The following SYT14 variants were observed in gnomAD, a reference collection of about 807,000 sequenced individuals.
The protein encoded by SYT14 is synaptotagmin 14.
In SYT14, 32 loss-of-function variants were observed where a neutral mutation model predicts 74.2. The ratio of observed to expected loss-of-function variants is 0.43; its 90% CI spans 0.33 to 0.58. The LOEUF is 0.58. Among genes scored for constraint, SYT14 ranks in the 20% least tolerant of loss-of-function variants. The pLI, the probability that SYT14 is intolerant of heterozygous loss-of-function variation, is 0.05. For synonymous variants in SYT14, 298 were observed against 337.7 expected (o/e 0.88, Z 1.29); for missense variants, 791 against 981.8 (o/e 0.81, Z 2.60).
intron 5 of SYT14, among the ~76,000 whole-genome samples, chr1:210,061,551 G>A (rs1000689137): frequency 5.9e-5 from 9 of 151,718 alleles, no homozygotes; most frequent in African/African-American, 2.2e-4. Context: ...CTAGAGTCTG[G>A]TATAATGGAT....
chr1:210,124,757 T>TAC (rs2102620705), intron 7 of SYT14, among the ~76,000 whole-genome samples: 1 of 152,336 alleles, frequency 6.6e-6, no homozygotes, highest in South Asian at 2.1e-4. Context: ...ATCCCCATTT[T>TAC]ACAGATGACA....
At chr1:210,159,499 T>C (rs537736954) in intron 9 of SYT14, 22 bp downstream of exon 8, 10 of 1,550,532 alleles carry the variant, frequency 6.4e-6, no homozygotes, top group African/African-American at 4.1e-5. Context: ...TAGAGGCTAA[T>C]TGGATGTTGT....
intron 3 of SYT14, among the ~76,000 whole-genome samples, chr1:210,014,091 G>A (rs532667211): frequency 5.9e-5 from 9 of 152,086 alleles, no homozygotes; most frequent in Non-Finnish European, 1.0e-4. Context: ...GGAAGAAGGA[G>A]GTATCTTGTT....
intron 5 of SYT14, among the ~76,000 whole-genome samples, chr1:210,034,867 A>G (rs573590873): frequency 3.4e-4 from 52 of 151,800 alleles, no homozygotes; most frequent in African/African-American, 8.0e-4. Context: ...TCTTTATTCA[A>G]TCCTCTGTTG....
At chr1:210,084,573 C>T (rs2081683352) in intron 5 of SYT14, among the ~76,000 whole-genome samples, 1 of 152,214 alleles carries the variant, frequency 6.6e-6, no homozygotes, top group East Asian at 1.9e-4. Flanking sequence ...AATATTGAGG[C>T]AGCCAAGGTT....
At chr1:209,988,065 CTT>C (rs2079601558) in intron 2 of SYT14, among the ~76,000 whole-genome samples, 2 of 152,124 alleles carry the variant, frequency 1.3e-5, no homozygotes, top group South Asian at 2.1e-4. Flanking sequence ...TTTCTCATCT[CTT>C]TTGTGGGGAC....
intron 7 of SYT14, among the ~76,000 whole-genome samples, chr1:210,126,485 A>G (rs554162254): frequency 6.6e-6 from 1 of 152,300 alleles, no homozygotes; most frequent in Admixed American, 6.5e-5. Flanking sequence ...ATATCTTTGT[A>G]ACACTAAATT....
intron 6 of SYT14, among the ~76,000 whole-genome samples, chr1:210,095,718 G>C (rs1230810289): frequency 1.3e-5 from 2 of 152,136 alleles, no homozygotes; most frequent in Non-Finnish European, 2.9e-5. Flanking sequence ...GCTATGGATA[G>C]AATTTCCTTA....
chr1:209,958,126 A>G (rs1434953526), intron 2 of SYT14, among the ~76,000 whole-genome samples: 1 of 152,046 alleles, frequency 6.6e-6, no homozygotes, highest in Non-Finnish European at 1.5e-5. Context: ...CATTTTTTTA[A>G]TGGTTAAGTA....
intron 8 of SYT14, among the ~76,000 whole-genome samples, chr1:210,156,584 C>T (rs940520390): frequency 6.6e-6 from 1 of 150,806 alleles, no homozygotes; most frequent in Non-Finnish European, 1.5e-5. Context: ...CCCAGTTCAA[C>T]AAGGCCAGGG....
intron 9 of SYT14, among the ~76,000 whole-genome samples, chr1:210,160,490 T>C (rs762825500): frequency 2.6e-5 from 4 of 152,232 alleles, no homozygotes; most frequent in Admixed American, 2.6e-4. Context: ...AACTATTACA[T>C]AGAAATAGTA....
At chr1:209,989,864 G>A (rs757844790) in intron 2 of SYT14, among the ~76,000 whole-genome samples, 47 of 152,050 alleles carry the variant, frequency 3.1e-4, no homozygotes, top group Non-Finnish European at 5.3e-4. Context: ...TGTCCAAGGC[G>A]TCGTTTTTAT....
intron 5 of SYT14, among the ~76,000 whole-genome samples, chr1:210,046,994 C>T (rs1294741789): frequency 6.6e-6 from 1 of 152,040 alleles, no homozygotes; most frequent in Non-Finnish European, 1.5e-5. Context: ...GTGATGGACC[C>T]AGAAATCAAA....
intron 7 of SYT14, among the ~76,000 whole-genome samples, chr1:210,128,376 CAA>C (rs35998734): frequency 1.9e-4 from 24 of 125,564 alleles, no homozygotes; most frequent in Admixed American, 3.2e-4. Context: ...GACCCTGTCT[CAA>C]AAAAAAAAAA....
intron 7 of SYT14, among the ~76,000 whole-genome samples, chr1:210,130,906 G>A (rs190695396): frequency 2.6e-4 from 39 of 152,220 alleles, no homozygotes; most frequent in South Asian, 8.3e-4. Context: ...ATCATATTTT[G>A]CCATTATATT....
intron 5 of SYT14, among the ~76,000 whole-genome samples, chr1:210,082,619 A>G (rs889447100): frequency 6.6e-6 from 1 of 152,184 alleles, no homozygotes; most frequent in Non-Finnish European, 1.5e-5. Context: ...ATCATCCAAT[A>G]TATGCCAACT....
rs145571736 is a variant in SYT14 at position 209,954,450 on chromosome 1, A to C, written c.-486+1694A>C. 5.6e-3 allele frequency among the ~76,000 whole-genome samples: 858 copies of C among 152,254 alleles called. 4 individuals are homozygous for C. The highest frequency in any genetic ancestry group is 0.019 in the African/African-American group (789 of 41,548). On this transcript the variant is annotated intron_variant, in intron 2 of 9. Transcript: ENST00000637265. ...ACAGAATTTTAATTCTGCATTTAAA[A>C]ATTTATTCACACCATAGGCATGAAG...
rs1347364190 is a variant in SYT14, at chr1:209,938,217, G to T, written c.-594G>T. On this transcript the variant is annotated 5_prime_UTR_variant, in exon 1 of 10. Coordinates refer to ENST00000637265, the Ensembl canonical transcript of SYT14. ...CAGCGCGTCCTCCGCCAGCCCTCGC[G>T]TCTGCTGCCCCCGCCATCCAGTTGG... is the stretch of plus-strand genomic sequence containing the variant. The T allele has an allele frequency of 7.9e-6, 12 of 1,511,514 alleles. No individual in the cohort carries two copies. In the East Asian group the frequency reaches 3.1e-4, roughly 39 times the overall value. 93.6% of individuals were successfully genotyped at this position (1,511,514 alleles called of 1,614,324 possible).
intron 2 of SYT14, among the ~76,000 whole-genome samples, chr1:210,007,409 T>C (rs928261295): frequency 6.6e-6 from 1 of 151,964 alleles, no homozygotes; most frequent in African/African-American, 2.4e-5. Flanking sequence ...TTCTATAGAG[T>C]ATCTTTAGTT....
Sources: gnomAD v4.1 joint callset for allele counts (sites outside exome capture counted in the v4.1 genomes callset) on GRCh38, gnomAD v4.1.1 for gene constraint, MANE v1.5 for transcripts, NCBI Gene and HGNC (gene_info 2026-07-23, HGNC 2026-07-21) for gene names.